Variants in MACF1 observed in about 807,000 individuals in gnomAD.
MACF1 encodes the protein microtubule actin crosslinking factor 1.
In MACF1, 193 loss-of-function variants were observed where a neutral mutation model predicts 854.8. The observed-to-expected ratio is 0.23, with a 90% CI of 0.20 to 0.25. MACF1 has a LOEUF of 0.25. Ranked by LOEUF, MACF1 falls within the 10% of genes least tolerant of loss-of-function variation. MACF1 has a pLI of 1.00. For synonymous variants in MACF1, 3,185 were observed against 3,226.7 expected, an observed-to-expected ratio of 0.99 and a Z score of 0.44; for missense variants, 7,722 against 8,929.1, an observed-to-expected ratio of 0.86 and a Z score of 5.45.
chr1:39,156,167 G>T (rs996036411), intron 2 of MACF1, among the ~76,000 whole-genome samples: 1 of 151,734 alleles, frequency 6.6e-6, no homozygotes, highest in African/African-American at 2.4e-5. Flanking sequence ...GAGCCACCGT[G>T]CCTGGCCTAT....
Position 39,297,690 on chromosome 1 carries a change from C to G in MACF1, c.2426C>G (p.Ser809Cys), listed in dbSNP as rs765048429. The change falls in exon 21 of 101, where the codon TCC becomes TGC. Residue 809 changes from serine to cysteine, a missense_variant. Physicochemically the swap from Ser to Cys is moderately radical, Grantham distance 112. Coordinates refer to ENST00000564288, the MANE Select transcript of MACF1 (RefSeq NM_001394062.1). Reference protein sequence around the residue: ...NLQDSIKRKYSCDHNTSLSRL... With the variant: ...NLQDSIKRKYCCDHNTSLSRL... The stretch of plus-strand genomic sequence containing the variant: ...CAAGATTCCATTAAACGAAAATATT[C>G]CTGTGACCACAACACCAGCTTATCC... 7.6e-5 allele frequency: 123 copies of G among 1,614,042 alleles called. 1 individual carries two copies. The highest frequency in any genetic ancestry group is 4.9e-4 in the Middle Eastern group (3 of 6,084).
rs776494253 is a variant in MACF1 at position 39,284,130 on chromosome 1, A to G, written c.980A>G (p.Gln327Arg). Residue 327 changes from glutamine (Q) to arginine (R), a missense_variant, in exon 10 of 101, where the codon CAG (glutamine) becomes CGG (arginine). Gln to Arg is a conservative substitution (Grantham distance 43). Transcript: ENST00000564288. ...RVDSLIPWIK[Q>R]HTILMSDKTF... ...GACTCCCTCATTCCCTGGATCAAACAGCATACAATACTGATGTCAGATAAA... is the reference window on the plus strand; with the variant it reads ...GACTCCCTCATTCCCTGGATCAAACGGCATACAATACTGATGTCAGATAAA... 7 of 1,614,128 alleles carry G rather than the reference A, an allele frequency of 4.3e-6. No individual in the cohort carries two copies. The South Asian group carries it at 7.7e-5, about 18-fold the overall frequency.
At position 39,370,061 on chromosome 1, in the gene MACF1, T is replaced by C. The variant is rs1649096319; in HGVS notation, c.12970T>C (p.Leu4324=). ...AGATGCATCATCTTGCCAGGAACAG[T>C]TGGATGAATTCCGGAAGCTGGTCAG... The part of the protein sequence containing the change: ...EKDASSCQEQ[L]DEFRKLVRTF... Residue 4324 remains leucine, a synonymous_variant, in exon 51 of 101, where the codon TTG becomes CTG. Coordinates refer to ENST00000564288, the MANE Select transcript of MACF1 (RefSeq NM_001394062.1). The C allele has an allele frequency of 6.2e-7, 1 of 1,613,504 alleles. No individual in the cohort carries two copies. Among genetic ancestry groups the C allele is most frequent in the Non-Finnish European group, 8.5e-7 (1 of 1,179,846 alleles).
chr1:39,354,612 C>G (rs1251944652), intron 44 of MACF1, among the ~76,000 whole-genome samples: 1 of 152,074 alleles, frequency 6.6e-6, no homozygotes, highest in African/African-American at 2.4e-5. Flanking sequence ...ACTATGTTGG[C>G]CAGACTGGTC....
At chr1:39,252,606 G>GT (rs145267897) in intron 4 of MACF1, among the ~76,000 whole-genome samples, 3,060 of 152,184 alleles carry the variant, frequency 0.02, 109 homozygotes, top group African/African-American at 0.071. Context: ...CAGAAACAAG[G>GT]ATTAGGCAAT....
intron 58 of MACF1, chr1:39,412,274 A>C: frequency 6.2e-7 from 1 of 1,613,928 alleles, no homozygotes; most frequent in Non-Finnish European, 8.5e-7. Flanking sequence ...CCTGAAGTAG[A>C]GGTGTTATAT....
Position 39,434,634 on chromosome 1 carries a change from T to C in MACF1, c.17784+2T>C. 6.2e-7 allele frequency: 1 copy of C among 1,612,956 alleles called. No homozygotes were observed. The highest frequency in any genetic ancestry group is 8.5e-7 in the Non-Finnish European group (1 of 1,179,246). ...AGGCAGCAACAAGAGGAAATGAGGG[T>C]AAGGAGCATGCCAAGTTTCATTTTA... On this transcript the variant is annotated splice_donor_variant, in intron 69 of 100. Coordinates refer to ENST00000564288, the MANE Select transcript of MACF1 (RefSeq NM_001394062.1). LOFTEE classifies it high-confidence loss of function.
chr1:39,343,206 A>C (rs780491323), intron 40 of MACF1, among the ~76,000 whole-genome samples: 16 of 152,176 alleles, frequency 1.1e-4, no homozygotes, highest in Non-Finnish European at 8.8e-5. Context: ...TGGTTTATCA[A>C]CCCTCTGCTA....
chr1:39,484,661 A>G lies in MACF1; in HGVS notation c.22342A>G (p.Thr7448Ala). The change falls in exon 100 of 101, where the codon ACA becomes GCA. Residue 7448 changes from threonine (T) to alanine (A), a missense_variant. Physicochemically the swap from Thr to Ala is moderately conservative, Grantham distance 58. Around this residue, in one of 15 missense-constraint regions of MACF1, gnomAD observed 185 missense variants for 225.7 expected, o/e 0.82. Coordinates refer to ENST00000564288, the MANE Select transcript of MACF1 (RefSeq NM_001394062.1). ...AACACCAACTTTTCATTCTAGTCGGACATCCCTTGCTGGTGATACCAGCAA... is the reference window on the plus strand; with the variant it reads ...AACACCAACTTTTCATTCTAGTCGGGCATCCCTTGCTGGTGATACCAGCAA... ...RPTPTFHSSR[T>A]SLAGDTSNSS... 3.1e-6 allele frequency: 5 copies of G among 1,614,108 alleles called. No homozygotes were observed. The highest frequency in any genetic ancestry group is 4.2e-6 in the Non-Finnish European group (5 of 1,179,942).
intron 2 of MACF1, among the ~76,000 whole-genome samples, chr1:39,178,313 A>G (rs2148230393): frequency 6.6e-6 from 1 of 151,540 alleles, no homozygotes; most frequent in Middle Eastern, 3.4e-3. Flanking sequence ...TAATCTTAGT[A>G]CCTCACAGAC....
Position 39,387,977 on chromosome 1 carries a change from C to A in MACF1, c.15135C>A (p.Ser5045Arg). Residue 5045 changes from serine to arginine, a missense_variant, in exon 58 of 101, where the codon AGC becomes AGA. Physicochemically the swap from Ser to Arg is moderately radical, Grantham distance 110. Around this residue, in one of 15 missense-constraint regions of MACF1, gnomAD observed 2,807 missense variants for 3,235.8 expected, o/e 0.87. Transcript: ENST00000564288. ...ATGCTCTGGGTTCTCAAGCCTGTAG[C>A]AACAAGAACCTGGAGAAGCTAAGAG... is the stretch of plus-strand genomic sequence containing the variant. ...IFDALGSQAC[S>R]NKNLEKLRAQ... 1 of 1,614,062 alleles carries A rather than the reference C, an allele frequency of 6.2e-7. No homozygotes were observed. The highest frequency in any genetic ancestry group is 1.1e-5 in the South Asian group (1 of 91,076).
At position 39,091,555 on chromosome 1, in the gene MACF1, G is replaced by A. The variant is rs536821534; in HGVS notation, c.220+7117G>A. Among the ~76,000 whole-genome samples the A allele has an allele frequency of 1.4e-4, 22 of 152,218 alleles. No individual in the cohort carries two copies. In the South Asian group the frequency reaches 3.7e-3, roughly 26 times the overall value. ...TCTGTCACCAGGCTGGAGTGCAGTG[G>A]CACGATCTCGGCTTACTGCAGCCTC... On this transcript the variant is annotated intron_variant, in intron 2 of 93. Coordinates refer to the MACF1 transcript ENST00000361689.
chr1:39,110,165 G>A (rs1031546072), intron 2 of MACF1, among the ~76,000 whole-genome samples: 1 of 151,222 alleles, frequency 6.6e-6, no homozygotes, highest in Non-Finnish European at 1.5e-5. Flanking sequence ...CCTAAGTGAC[G>A]CTCTGAAGCA....
chr1:39,253,863 G>A (rs1645069269), intron 4 of MACF1, among the ~76,000 whole-genome samples: 1 of 152,136 alleles, frequency 6.6e-6, no homozygotes, highest in African/African-American at 2.4e-5. Flanking sequence ...TAATAAAGTT[G>A]GCTCCATCTA....
At chr1:39,146,886 G>A (rs1453956014) in intron 2 of MACF1, among the ~76,000 whole-genome samples, 1 of 152,080 alleles carries the variant, frequency 6.6e-6, no homozygotes, top group Admixed American at 6.6e-5. Context: ...TTGAGGTGAT[G>A]GATACCCTAT....
chr1:39,385,172 A>G (rs993812926), intron 56 of MACF1, among the ~76,000 whole-genome samples: 7 of 152,134 alleles, frequency 4.6e-5, no homozygotes, highest in Non-Finnish European at 8.8e-5. Flanking sequence ...GGTTCAAGCA[A>G]TTCTCGTGCC....
intron 80 of MACF1, among the ~76,000 whole-genome samples, chr1:39,446,594 G>A (rs903715898): frequency 2.6e-5 from 4 of 151,884 alleles, no homozygotes; most frequent in African/African-American, 9.7e-5. Context: ...AACAGTTAAC[G>A]TTTTTGGTGT....
At chr1:39,407,801 G>A (rs1642770598) in intron 58 of MACF1, among the ~76,000 whole-genome samples, 1 of 152,204 alleles carries the variant, frequency 6.6e-6, no homozygotes, top group Non-Finnish European at 1.5e-5. Context: ...TTTTCCATAA[G>A]TTTTGCGGTA....
chr1:39,109,875 ATTG>A (rs1164074066), intron 2 of MACF1, among the ~76,000 whole-genome samples: 2 of 152,148 alleles, frequency 1.3e-5, no homozygotes, highest in Non-Finnish European at 2.9e-5. Flanking sequence ...TAGTATCATT[ATTG>A]TTGTTAGTTT....
Sources: gnomAD v4.1 joint callset for allele counts (sites outside exome capture counted in the v4.1 genomes callset) on GRCh38, gnomAD v4.1.1 for gene constraint, gnomAD v4.1.1 regional missense constraint, MANE v1.5 for transcripts, NCBI Gene and HGNC (gene_info 2026-07-23, HGNC 2026-07-21) for gene names.